COX7A2L: variants seen among roughly 807,000 people sequenced by gnomAD.
COX7A2L encodes cytochrome c oxidase subunit 7A2 like, also known as cytochrome c oxidase subunit 7A2-like, mitochondrial.
In COX7A2L, 18 loss-of-function variants were observed where a neutral mutation model predicts 14.2. The observed-to-expected ratio is 1.27, with a 90% confidence interval of 0.88 to 1.88. The LOEUF (loss-of-function observed/expected upper bound fraction) is 1.88. Ranked by LOEUF, COX7A2L falls within the 40% of genes most tolerant of loss-of-function variation. The pLI, the probability that COX7A2L is intolerant of heterozygous loss-of-function variation, is 0.00. For missense variants in COX7A2L, 179 were observed against 138.8 expected, an observed-to-expected ratio of 1.29 and a Z score of -1.46; for synonymous variants, 65 against 57.4, an observed-to-expected ratio of 1.13 and a Z score of -0.60.
downstream of COX7A2L, among the ~76,000 whole-genome samples, chr2:42,349,171 T>C (rs535942927): frequency 6.6e-6 from 1 of 152,304 alleles, no homozygotes; most frequent in South Asian, 2.1e-4. Context: ...CTATTGCTCA[T>C]AGCAGCATTA....
rs1232488296 is a variant in COX7A2L at position 42,342,151 on chromosome 2, G to A, written c.193-8282C>T. Among the ~76,000 whole-genome samples the A allele has an allele frequency of 6.6e-6, 1 of 152,076 alleles. No individual in the cohort carries two copies. Among genetic ancestry groups the A allele is most frequent in the East Asian group, 1.9e-4 (1 of 5,180 alleles). ...GTCTTCCTATGAGAGGCTGAGCTGA[G>A]CAACCACGCTGCCTCCATGCTTGAG... On this transcript the variant is annotated intron_variant, in intron 2 of 2. Coordinates refer to the COX7A2L transcript ENST00000468711. This position sits in a 1 kb window ranked among gnomAD's most constrained non-coding sequence, Gnocchi z 4.9.
chr2:42,368,291 C>T (rs1671206348), intron 1 of COX7A2L, among the ~76,000 whole-genome samples: 1 of 152,132 alleles, frequency 6.6e-6, no homozygotes, highest in South Asian at 2.1e-4. Flanking sequence ...CTCCCACACC[C>T]ACTAAAAAGA....
chr2:42,340,314 T>G (rs978206942), intron 2 of COX7A2L, among the ~76,000 whole-genome samples: 1 of 152,118 alleles, frequency 6.6e-6, no homozygotes, highest in Non-Finnish European at 1.5e-5. Flanking sequence ...GGATCCATTC[T>G]TTTCTCTCGT....
intron 2 of COX7A2L, among the ~76,000 whole-genome samples, chr2:42,341,493 G>GC (rs976036764): frequency 1.3e-5 from 2 of 152,110 alleles, no homozygotes; most frequent in African/African-American, 4.8e-5. Context: ...ATTGCTTTTT[G>GC]CAAGTCATGT....
rs1396396863 is a variant in COX7A2L, at chr2:42,338,123, TG to T, written c.193-4255del. 6.6e-6 allele frequency among the ~76,000 whole-genome samples: 1 copy of T among 152,096 alleles called. No individual in the cohort carries two copies. Among genetic ancestry groups the T allele is most frequent in the East Asian group, 1.9e-4 (1 of 5,152 alleles). ...TCTGGTCCGCCCCTCCGATGACGGT[TG>T]GTTGGTCCATAACCCTACTCCCCAT... On this transcript the variant is annotated intron_variant, in intron 2 of 2. Transcript: ENST00000468711. This position sits in a 1 kb window ranked among gnomAD's most constrained non-coding sequence, Gnocchi z 4.4.
chr2:42,359,170 G>C (rs1670934226), intron 1 of COX7A2L: 1 of 152,198 alleles, frequency 6.6e-6, no homozygotes, highest in South Asian at 2.1e-4. Context: ...CATTTTCAGA[G>C]GCAAAAGCAG....
At chr2:42,364,250 C>CAAAAAAAAAAAAAAAAAAAAAA (rs35151680), upstream of COX7A2L, among the ~76,000 whole-genome samples, 24 of 85,414 alleles carry the variant, frequency 2.8e-4, no homozygotes, top group East Asian at 2.7e-3. Context: ...GACTCCGTCT[C>CAAAAAAAAAAAAAAAAAAAAAA]AAAAAAAAAA....
upstream of COX7A2L, among the ~76,000 whole-genome samples, chr2:42,364,853 A>C (rs1671130210): frequency 6.6e-6 from 1 of 152,216 alleles, no homozygotes; most frequent in African/African-American, 2.4e-5. Flanking sequence ...TACAGGATGA[A>C]CATATTGACA....
intron 2 of COX7A2L, among the ~76,000 whole-genome samples, chr2:42,343,932 T>C (rs538468477): frequency 2.0e-5 from 3 of 152,228 alleles, no homozygotes; most frequent in South Asian, 2.1e-4. Flanking sequence ...AAAGTCACAC[T>C]GGATGAAGGG....
rs184824729 is a variant in COX7A2L, at chr2:42,339,164, T to A, written c.193-5295A>T. On this transcript the variant is annotated intron_variant, in intron 2 of 2. Coordinates refer to the COX7A2L transcript ENST00000468711. The surrounding 1 kb of genome is among the most constrained non-coding windows in gnomAD (Gnocchi z 5.4). ...ACAATAAAATAGAAGGAAGTTTTTT[T>A]AATCAAATTTTAGTAGTTAATTACT... is the stretch of plus-strand genomic sequence containing the variant. Among the ~76,000 whole-genome samples the A allele has an allele frequency of 2.6e-4, 39 of 152,362 alleles. No individual in the cohort carries two copies. In the East Asian group the frequency reaches 3.7e-3, roughly 14 times the overall value.
intron 1 of COX7A2L, among the ~76,000 whole-genome samples, chr2:42,355,967 C>CCACCA (rs1211385058): frequency 2.0e-5 from 3 of 152,096 alleles, no homozygotes; most frequent in Non-Finnish European, 4.4e-5. Context: ...CTCAGGTGAT[C>CCACCA]CACCAACCTT....
rs1161433664 is a variant in COX7A2L at position 42,349,390 on chromosome 2, A to T, written c.*1829T>A. 2 of 152,204 alleles carry T rather than the reference A, an allele frequency of 1.3e-5. No homozygotes were observed. Among genetic ancestry groups the T allele is most frequent in the African/African-American group, 4.8e-5 (2 of 41,452 alleles). 9.4% of individuals were successfully genotyped at this position (152,204 alleles called of 1,614,324 possible). On this transcript the variant is annotated 3_prime_UTR_variant, in exon 3 of 3. Coordinates refer to ENST00000234301, the MANE Select transcript of COX7A2L (RefSeq NM_004718.4). Reference sequence around the variant, plus strand: ...TATTTATATGAAATGTCCAGGAAAGACAAATCCATAGAGACTGAAAGTAGA... The same window carrying T: ...TATTTATATGAAATGTCCAGGAAAGTCAAATCCATAGAGACTGAAAGTAGA...
intron 2 of COX7A2L, among the ~76,000 whole-genome samples, chr2:42,340,757 G>C (rs35574134): frequency 0.26 from 40,242 of 152,124 alleles, 5,948 homozygotes; most frequent in East Asian, 0.56. Context: ...CCTTCCCGGG[G>C]CCTGGCCCTG....
intron 1 of COX7A2L, among the ~76,000 whole-genome samples, chr2:42,356,247 G>A (rs1670816036): frequency 6.6e-6 from 1 of 151,982 alleles, no homozygotes; most frequent in Non-Finnish European, 1.5e-5. Context: ...AGATCTTTCT[G>A]ACCACCCTTT....
At chr2:42,341,406 C>T (rs1204244329) in intron 2 of COX7A2L, among the ~76,000 whole-genome samples, 1 of 152,200 alleles carries the variant, frequency 6.6e-6, no homozygotes, top group East Asian at 1.9e-4. Context: ...ACTTGGTACC[C>T]CAAGGCCTGC....
intron 2 of COX7A2L, among the ~76,000 whole-genome samples, chr2:42,335,782 C>T (rs1021112492): frequency 1.2e-4 from 19 of 152,150 alleles, no homozygotes; most frequent in South Asian, 1.0e-3. Context: ...AGAATGAAAT[C>T]GGTTAAACTT....
At chr2:42,354,503 C>G (rs1670757628) in intron 1 of COX7A2L, among the ~76,000 whole-genome samples, 1 of 152,200 alleles carries the variant, frequency 6.6e-6, no homozygotes, top group African/African-American at 2.4e-5. Context: ...AAGGAAACCT[C>G]TTGCCCAAAT....
rs1572790625 is a variant in COX7A2L at position 42,351,092 on chromosome 2, A to C, written c.*127T>G. On this transcript the variant is annotated 3_prime_UTR_variant, in exon 3 of 3. Coordinates refer to ENST00000234301, the MANE Select transcript of COX7A2L (RefSeq NM_004718.4). Reference sequence around the variant, plus strand: ...ATAAACAAACCAAAACATCATCTTCATATCTTCCTATTTTTCTTGCAAAAA... The same window carrying C: ...ATAAACAAACCAAAACATCATCTTCCTATCTTCCTATTTTTCTTGCAAAAA... 2 of 1,045,908 alleles carry C rather than the reference A, an allele frequency of 1.9e-6. No homozygotes were observed. Among genetic ancestry groups the C allele is most frequent in the Admixed American group, 6.1e-5 (2 of 32,824 alleles). The allele number at this position is 1,045,908 out of a possible 1,614,324, so 64.8% of individuals were successfully genotyped here.
chr2:42,336,665 G>A (rs1159718815), intron 2 of COX7A2L, among the ~76,000 whole-genome samples: 2 of 152,158 alleles, frequency 1.3e-5, no homozygotes, highest in Non-Finnish European at 2.9e-5. Flanking sequence ...GTTAGAAGCA[G>A]GGAAACCAGA....
Sources: gnomAD v4.1 joint callset for allele counts (sites outside exome capture counted in the v4.1 genomes callset) on GRCh38, gnomAD v4.1.1 for gene constraint, Gnocchi (gnomAD v3.1) non-coding constraint, MANE v1.5 for transcripts, NCBI Gene and HGNC (gene_info 2026-07-23, HGNC 2026-07-21) for gene names.